BTBD9: variants seen among roughly 807,000 people sequenced by gnomAD.
BTBD9 encodes the protein BTB domain containing 9, also known as BTB/POZ domain-containing protein 9.
Under a neutral mutation model 64.3 loss-of-function variants are expected in BTBD9, and 49 were observed. The observed-to-expected ratio is 0.76, with a 90% CI of 0.61 to 0.97. The LOEUF (loss-of-function observed/expected upper bound fraction) is 0.97. Among genes scored for constraint, BTBD9 ranks in the 50% least tolerant of loss-of-function variants. BTBD9 has a pLI of 0.00. For missense variants in BTBD9, 598 were observed against 762.1 expected (o/e 0.78, Z 2.53); for synonymous variants, 260 against 274.7 (o/e 0.95, Z 0.53).
intron 6 of BTBD9, among the ~76,000 whole-genome samples, chr6:38,469,657 T>C (rs1770551925): frequency 6.6e-6 from 1 of 152,186 alleles, no homozygotes; most frequent in Non-Finnish European, 1.5e-5. Context: ...ATTCATGGCA[T>C]CGTAGCCTCC....
At chr6:38,258,599 C>T (rs1220431262) in intron 8 of BTBD9, among the ~76,000 whole-genome samples, 1 of 152,120 alleles carries the variant, frequency 6.6e-6, no homozygotes, top group African/African-American at 2.4e-5. Context: ...TTTGTAACTA[C>T]AGCAATAATG....
At chr6:38,248,439 T>C (rs1157513776) in intron 9 of BTBD9, among the ~76,000 whole-genome samples, 1 of 152,244 alleles carries the variant, frequency 6.6e-6, no homozygotes, top group Non-Finnish European at 1.5e-5. Context: ...GGATAGATGA[T>C]GGCTGAAGTC....
intron 9 of BTBD9, among the ~76,000 whole-genome samples, chr6:38,251,851 C>T (rs1049740070): frequency 2.7e-5 from 4 of 148,284 alleles, no homozygotes; most frequent in Non-Finnish European, 4.4e-5. Flanking sequence ...AAGATTACGC[C>T]ACTGCACTCC....
At chr6:38,336,410 C>A (rs1176311474) in intron 7 of BTBD9, among the ~76,000 whole-genome samples, 1 of 152,046 alleles carries the variant, frequency 6.6e-6, no homozygotes, top group African/African-American at 2.4e-5. Context: ...GGGAAGGCCT[C>A]GGGAAACTTA....
intron 7 of BTBD9, among the ~76,000 whole-genome samples, chr6:38,325,558 G>A (rs903843231): frequency 2.6e-5 from 4 of 152,146 alleles, no homozygotes; most frequent in Admixed American, 1.3e-4. Flanking sequence ...GGTGGTGGGC[G>A]CCTGTAGTCT....
intron 6 of BTBD9, among the ~76,000 whole-genome samples, chr6:38,388,945 T>A (rs979255830): frequency 6.6e-6 from 1 of 152,210 alleles, no homozygotes; most frequent in South Asian, 2.1e-4. Flanking sequence ...CCACAGGTTT[T>A]ATACTAGCAA....
At chr6:38,580,073 A>T in intron 5 of BTBD9, 145 bp downstream of exon 5, 1 of 678,880 alleles carries the variant, frequency 1.5e-6, no homozygotes, top group Non-Finnish European at 2.4e-6. Flanking sequence ...ATATCCTTTA[A>T]CTCCTTCCCC....
intron 6 of BTBD9, among the ~76,000 whole-genome samples, chr6:38,372,727 A>G (rs943930260): frequency 3.3e-5 from 5 of 152,192 alleles, no homozygotes; most frequent in African/African-American, 1.2e-4. Flanking sequence ...CCCTCCATTC[A>G]GACGACATAA....
rs550902363 is a variant in BTBD9, at chr6:38,358,281, C to T, written c.1155-13188G>A. On this transcript the variant is annotated intron_variant, in intron 6 of 10. Transcript: ENST00000481247. ...CTTGTCTGGTGTTCTTCCTGCACATCCACACTGCACCCTTCCTTTGCTTCT... is the reference window on the plus strand; with the variant it reads ...CTTGTCTGGTGTTCTTCCTGCACATTCACACTGCACCCTTCCTTTGCTTCT... Among the ~76,000 whole-genome samples the T allele has an allele frequency of 3.9e-5, 6 of 152,084 alleles. No homozygotes were observed. The South Asian group carries it at 1.2e-3, about 32-fold the overall frequency.
intron 7 of BTBD9, among the ~76,000 whole-genome samples, chr6:38,329,253 A>G (rs892376126): frequency 6.6e-6 from 1 of 151,872 alleles, no homozygotes; most frequent in Non-Finnish European, 1.5e-5. Context: ...CTGTTCCTGA[A>G]TATTCCTTTA....
intron 6 of BTBD9, among the ~76,000 whole-genome samples, chr6:38,496,630 G>A (rs933411438): frequency 4.6e-5 from 7 of 151,104 alleles, no homozygotes; most frequent in Non-Finnish European, 7.4e-5. Context: ...CTGCAGCCTG[G>A]GTGACAGAGC....
chr6:38,513,720 G>C (rs1180137811), intron 6 of BTBD9, among the ~76,000 whole-genome samples: 1 of 152,152 alleles, frequency 6.6e-6, no homozygotes, highest in Non-Finnish European at 1.5e-5. Context: ...AGGTGGGGTA[G>C]ACAAGCAAAA....
At chr6:38,401,842 T>C (rs1338561566) in intron 6 of BTBD9, among the ~76,000 whole-genome samples, 1 of 152,188 alleles carries the variant, frequency 6.6e-6, no homozygotes, top group African/African-American at 2.4e-5. Context: ...AATAATTCAT[T>C]GTAACATACA....
At chr6:38,381,915 G>C (rs1263613936) in intron 6 of BTBD9, among the ~76,000 whole-genome samples, 1 of 151,958 alleles carries the variant, frequency 6.6e-6, no homozygotes, top group African/African-American at 2.4e-5. Flanking sequence ...GATAATATAA[G>C]AATAATAATG....
In BTBD9 at chr6:38,184,674, G is replaced by A. The variant is rs1052699792; in HGVS notation, c.1641+7845C>T. ...ATGGTCCTCTGGAGGATGCTGCCGG[G>A]GAAATCCTCGGGGGGCCAGAGAGAG... is the stretch of plus-strand genomic sequence containing the variant. On this transcript the variant is annotated intron_variant, in intron 10 of 10. Transcript: ENST00000481247. This position sits in a 1 kb window ranked among gnomAD's most constrained non-coding sequence, Gnocchi z 4.4. Among the ~76,000 whole-genome samples the A allele has an allele frequency of 6.6e-6, 1 of 152,206 alleles. No homozygotes were observed. The highest frequency in any genetic ancestry group is 6.5e-5 in the Admixed American group (1 of 15,286).
At chr6:38,610,602 C>G (rs1336063990) in intron 1 of BTBD9, among the ~76,000 whole-genome samples, 2 of 152,126 alleles carry the variant, frequency 1.3e-5, no homozygotes, top group Non-Finnish European at 2.9e-5. Context: ...GAACAAAGAT[C>G]AGAAATGGAG....
intron 1 of BTBD9, among the ~76,000 whole-genome samples, chr6:38,598,627 A>G (rs1041183301): frequency 6.6e-6 from 1 of 152,118 alleles, no homozygotes; most frequent in Non-Finnish European, 1.5e-5. Flanking sequence ...TTTAAAAAAA[A>G]TCTTCTGGGG....
chr6:38,191,900 TA>T (rs1762090652), intron 10 of BTBD9, among the ~76,000 whole-genome samples: 1 of 152,204 alleles, frequency 6.6e-6, no homozygotes, highest in Non-Finnish European at 1.5e-5. Flanking sequence ...CACAGAGCAT[TA>T]AACCTCAAGC....
At chr6:38,621,808 C>A (rs1345131688) in intron 1 of BTBD9, among the ~76,000 whole-genome samples, 1 of 152,188 alleles carries the variant, frequency 6.6e-6, no homozygotes, top group Non-Finnish European at 1.5e-5. Context: ...AGAGAAAAGG[C>A]AGAAGGAAAC....
Sources: allele counts gnomAD v4.1 joint callset (sites outside exome capture counted in the v4.1 genomes callset), GRCh38; gene constraint gnomAD v4.1.1; non-coding constraint Gnocchi (gnomAD v3.1); transcripts MANE v1.5; gene names NCBI Gene and HGNC (gene_info 2026-07-23, HGNC 2026-07-21).